Variants in SORBS2 observed in about 807,000 individuals in gnomAD.
The protein encoded by SORBS2 is sorbin and SH3 domain containing 2.
In SORBS2, 46 loss-of-function variants were observed where a neutral mutation model predicts 97.7. The observed-to-expected ratio is 0.47, with a 90% CI of 0.37 to 0.60. SORBS2 has a LOEUF of 0.60. Among genes scored for constraint, SORBS2 ranks in the 20% least tolerant of loss-of-function variants. The pLI is 0.00. For missense variants in SORBS2, 1,316 were observed against 1,282.3 expected (o/e 1.03, Z -0.40); for synonymous variants, 476 against 473.4 (o/e 1.01, Z -0.07).
intron 1 of SORBS2, among the ~76,000 whole-genome samples, chr4:185,904,616 G>A (rs2099249676): frequency 6.6e-6 from 1 of 152,212 alleles, no homozygotes; most frequent in Non-Finnish European, 1.5e-5. Flanking sequence ...GCCGCACAAT[G>A]ACAAAAGCAA....
upstream of SORBS2, among the ~76,000 whole-genome samples, chr4:185,659,438 A>G (rs1161146132): frequency 6.8e-6 from 1 of 146,768 alleles, no homozygotes; most frequent in East Asian, 2.1e-4. Context: ...TTTTTTTGAG[A>G]CGGAGTCTTG....
chr4:185,822,401 G>C (rs899140108), intron 1 of SORBS2, among the ~76,000 whole-genome samples: 4 of 152,234 alleles, frequency 2.6e-5, no homozygotes, highest in African/African-American at 9.6e-5. Context: ...CACATCAGGA[G>C]AGATGGCACA....
chr4:185,760,030 A>G (rs955906458), intron 2 of SORBS2, among the ~76,000 whole-genome samples: 1 of 152,118 alleles, frequency 6.6e-6, no homozygotes, highest in Non-Finnish European at 1.5e-5. Flanking sequence ...AATGGTGTGT[A>G]CTCAAGGATA....
chr4:185,806,660 G>A (rs1479149964), intron 1 of SORBS2, among the ~76,000 whole-genome samples: 5 of 151,368 alleles, frequency 3.3e-5, no homozygotes, highest in Admixed American at 2.0e-4. Context: ...GGGTTTCACC[G>A]TTTTAGCCGG....
chr4:185,941,533 A>G (rs1168940587), intron 1 of SORBS2, among the ~76,000 whole-genome samples: 4 of 152,170 alleles, frequency 2.6e-5, no homozygotes, highest in Non-Finnish European at 5.9e-5. Flanking sequence ...CCTTTCCAGC[A>G]TTGCTTCTTA....
At chr4:185,760,549 G>C (rs2098874759) in intron 2 of SORBS2, among the ~76,000 whole-genome samples, 2 of 151,840 alleles carry the variant, frequency 1.3e-5, no homozygotes, top group Admixed American at 1.3e-4. Flanking sequence ...GGCAACAAGA[G>C]TGAAACTTTG....
At chr4:185,898,745 T>C (rs980556514) in intron 1 of SORBS2, among the ~76,000 whole-genome samples, 1 of 152,146 alleles carries the variant, frequency 6.6e-6, no homozygotes, top group Non-Finnish European at 1.5e-5. Context: ...CAGGAGGTAA[T>C]ACCCAAATCT....
intron 2 of SORBS2, among the ~76,000 whole-genome samples, chr4:185,767,678 C>T (rs2098944529): frequency 6.6e-6 from 1 of 152,084 alleles, no homozygotes; most frequent in South Asian, 2.1e-4. Context: ...GCAGTACTGA[C>T]TGCCCCGAGG....
intron 1 of SORBS2, among the ~76,000 whole-genome samples, chr4:185,797,757 C>T (rs543214433): frequency 1.3e-5 from 2 of 152,096 alleles, no homozygotes; most frequent in Admixed American, 1.3e-4. Flanking sequence ...GACTGCAAAG[C>T]TCTTCCATGC....
At chr4:185,919,129 G>T (rs1421860170) in intron 1 of SORBS2, among the ~76,000 whole-genome samples, 1 of 152,172 alleles carries the variant, frequency 6.6e-6, no homozygotes, top group Non-Finnish European at 1.5e-5. Context: ...CTTTAGTGCA[G>T]TCAAGTTTCC....
intron 4 of SORBS2, chr4:185,677,325 C>A: frequency 6.4e-7 from 1 of 1,552,322 alleles, no homozygotes; most frequent in Non-Finnish European, 8.7e-7. Flanking sequence ...AGAATCTTGC[C>A]TGTAGTCCTC....
chr4:185,602,833 G>T lies in SORBS2; in HGVS notation c.2797-8898C>A, dbSNP rs141182853. Among the ~76,000 whole-genome samples, 62 of 152,264 alleles carry T rather than the reference G, an allele frequency of 4.1e-4. 1 individual carries two copies. Among genetic ancestry groups the T allele is most frequent in the African/African-American group, 1.5e-3 (61 of 41,558 alleles). ...ATTCAATTTGTACTTAAATTTACAA[G>T]CACAAATAACTTCAGTGAATATATT... is the stretch of plus-strand genomic sequence containing the variant. On this transcript the variant is annotated intron_variant, in intron 12 of 14. Transcript: ENST00000418609.
chr4:185,631,373 G>A (rs752722711), intron 4 of SORBS2, among the ~76,000 whole-genome samples: 4 of 152,072 alleles, frequency 2.6e-5, no homozygotes, highest in African/African-American at 4.8e-5. Context: ...ATTTTCCATG[G>A]CATCTGCTGG....
intron 2 of SORBS2, among the ~76,000 whole-genome samples, chr4:185,696,195 A>G (rs953855257): frequency 6.6e-6 from 1 of 152,162 alleles, no homozygotes; most frequent in Non-Finnish European, 1.5e-5. Context: ...AATTAGACCA[A>G]ATGTCCTGAT....
chr4:185,640,822 T>C (rs1275500723), intron 4 of SORBS2, among the ~76,000 whole-genome samples: 2 of 152,226 alleles, frequency 1.3e-5, no homozygotes, highest in African/African-American at 4.8e-5. Context: ...TAGAGAGACA[T>C]ACTATTTCTT....
chr4:185,837,307 T>TC (rs1217813028), intron 1 of SORBS2, among the ~76,000 whole-genome samples: 2 of 152,218 alleles, frequency 1.3e-5, no homozygotes, highest in Non-Finnish European at 2.9e-5. Context: ...TCATTGACTT[T>TC]CCAGCAAGCA....
chr4:185,707,456 A>G (rs2098360768), intron 2 of SORBS2, among the ~76,000 whole-genome samples: 1 of 152,180 alleles, frequency 6.6e-6, no homozygotes, highest in Non-Finnish European at 1.5e-5. Context: ...AATGAGCAAT[A>G]TTGGAAATGC....
At chr4:185,822,468 A>G (rs960545231) in intron 1 of SORBS2, among the ~76,000 whole-genome samples, 2 of 152,250 alleles carry the variant, frequency 1.3e-5, no homozygotes, top group Admixed American at 6.5e-5. Flanking sequence ...GTATTCGGTG[A>G]GTTTTCACAG....
chr4:185,717,834 C>T (rs1186720687), intron 2 of SORBS2, among the ~76,000 whole-genome samples: 3 of 152,206 alleles, frequency 2.0e-5, no homozygotes, highest in South Asian at 2.1e-4. Context: ...GCTTATTAGC[C>T]GCATGACCTG....
Sources: allele counts gnomAD v4.1 joint callset (sites outside exome capture counted in the v4.1 genomes callset), GRCh38; gene constraint gnomAD v4.1.1; transcripts MANE v1.5; gene names NCBI Gene and HGNC (gene_info 2026-07-23, HGNC 2026-07-21).